The following RRP1 variants were observed in gnomAD, a reference collection of about 807,000 sequenced individuals.
RRP1 encodes the protein ribosomal RNA processing protein 1 homolog A.
A neutral mutation model predicts 54.6 loss-of-function variants in RRP1; 37 were observed. The observed-to-expected ratio is 0.68, with a 90% CI of 0.52 to 0.89. The LOEUF (loss-of-function observed/expected upper bound fraction) is 0.89, where lower values mean the gene tolerates loss of function less well. Among genes scored for constraint, RRP1 ranks in the 40% least tolerant of loss-of-function variants. The pLI is 0.00. For missense variants in RRP1, 639 were observed against 612.5 expected, an observed-to-expected ratio of 1.04 and a Z score of -0.46; for synonymous variants, 262 against 244.3, an observed-to-expected ratio of 1.07 and a Z score of -0.67.
intron 5 of RRP1, among the ~76,000 whole-genome samples, chr21:43,796,382 T>C (rs1381435517): frequency 6.6e-6 from 1 of 152,194 alleles, no homozygotes; most frequent in African/African-American, 2.4e-5. Context: ...TGATTTTACT[T>C]GTGTTAACTT....
intron 12 of RRP1, among the ~76,000 whole-genome samples, chr21:43,803,093 C>T (rs1402503682): frequency 2.0e-5 from 3 of 152,250 alleles, no homozygotes; most frequent in East Asian, 1.9e-4. Flanking sequence ...CCCAGAGCTC[C>T]GTGCCATTGA....
At position 43,799,553 on chromosome 21, in the gene RRP1, G is replaced by T. The variant is rs775557866; in HGVS notation, c.812-17G>T. The stretch of plus-strand genomic sequence containing the variant: ...CGTTGGGCACAGGTAGGGTTCACGG[G>T]GTCCCTTTTGTTCCAGGCTCCATCT... On this transcript the variant is annotated splice_polypyrimidine_tract_variant and intron_variant, in intron 8 of 12. Transcript: ENST00000497547. 5 of 1,604,748 alleles carry T rather than the reference G, an allele frequency of 3.1e-6. No homozygotes were observed. Among genetic ancestry groups the T allele is most frequent in the Non-Finnish European group, 3.4e-6 (4 of 1,177,734 alleles).
chr21:43,795,405 T>G (rs1161351858), intron 5 of RRP1, among the ~76,000 whole-genome samples, 155 bp downstream of exon 5: 1 of 152,100 alleles, frequency 6.6e-6, no homozygotes, highest in Non-Finnish European at 1.5e-5. Flanking sequence ...AAAGTAAAAA[T>G]CAGTTTGTGT....
chr21:43,798,959 C>T (rs2123417540), intron 8 of RRP1, among the ~76,000 whole-genome samples: 1 of 140,752 alleles, frequency 7.1e-6, no homozygotes, highest in African/African-American at 2.6e-5. Context: ...TCTCCCTGGT[C>T]TCTGCCTTGC....
intron 12 of RRP1, 69 bp downstream of exon 12, chr21:43,802,456 G>T: frequency 1.6e-6 from 2 of 1,214,118 alleles, no homozygotes; most frequent in South Asian, 1.2e-5. Flanking sequence ...CTGGATGGGG[G>T]TCACCTGCAG....
chr21:43,790,889 C>G (rs2084949826), intron 1 of RRP1: 1 of 431,874 alleles, frequency 2.3e-6, no homozygotes, highest in South Asian at 1.6e-5. Flanking sequence ...CCGCACCTGG[C>G]CTCAGTAATT....
intron 4 of RRP1, among the ~76,000 whole-genome samples, chr21:43,794,560 T>A (rs970951716): frequency 1.3e-5 from 2 of 152,172 alleles, no homozygotes; most frequent in African/African-American, 4.8e-5. Flanking sequence ...GCGTGTCCTC[T>A]GCTGCTACTG....
chr21:43,791,950 T>G (rs922652629), intron 2 of RRP1, among the ~76,000 whole-genome samples: 4 of 152,224 alleles, frequency 2.6e-5, no homozygotes, highest in African/African-American at 7.2e-5. Flanking sequence ...AGCCGTGCAC[T>G]GCAGCAGCAC....
intron 1 of RRP1, among the ~76,000 whole-genome samples, chr21:43,790,210 A>T (rs906279635): frequency 6.6e-6 from 1 of 152,210 alleles, no homozygotes; most frequent in African/African-American, 2.4e-5. Flanking sequence ...TCATGGTACC[A>T]GGTGGTTCTC....
intron 10 of RRP1, 112 bp downstream of exon 10, chr21:43,800,726 T>A: frequency 2.7e-6 from 4 of 1,499,914 alleles, no homozygotes; most frequent in Non-Finnish European, 3.7e-6. Flanking sequence ...CCCGGGGTGA[T>A]CCCCGCTAGG....
intron 9 of RRP1, 90 bp from the exon 10 acceptor site, chr21:43,800,427 A>G: frequency 8.3e-7 from 1 of 1,204,670 alleles, no homozygotes; most frequent in Non-Finnish European, 1.2e-6. Context: ...AAGTGGGACC[A>G]AGTGCTATCT....
intron 11 of RRP1, among the ~76,000 whole-genome samples, chr21:43,801,205 C>T (rs777299630): frequency 2.2e-4 from 33 of 152,050 alleles, no homozygotes; most frequent in Middle Eastern, 3.2e-3. Context: ...CTTGGCAGCG[C>T]GTGGCGGATG....
At chr21:43,801,332 G>A (rs2085087988) in intron 11 of RRP1, among the ~76,000 whole-genome samples, 1 of 152,226 alleles carries the variant, frequency 6.6e-6, no homozygotes, top group South Asian at 2.1e-4. Context: ...TCAGTTGGAA[G>A]GATTTTATAG....
intron 1 of RRP1, among the ~76,000 whole-genome samples, chr21:43,790,232 C>G (rs530015665): frequency 3.9e-5 from 6 of 152,310 alleles, no homozygotes; most frequent in African/African-American, 1.4e-4. Context: ...GAGCGTGGTC[C>G]CCCATCAGCA....
At chr21:43,799,524 C>A in intron 8 of RRP1, 46 bp from the exon 9 acceptor site, 1 of 1,463,156 alleles carries the variant, frequency 6.8e-7, no homozygotes, top group Non-Finnish European at 9.1e-7. Flanking sequence ...TTGGGGCCAG[C>A]ACACGTTGGG....
chr21:43,793,464 A>G lies in RRP1; in HGVS notation c.360+60A>G, dbSNP rs557606500. 5.5e-6 allele frequency: 8 copies of G among 1,457,186 alleles called. No individual in the cohort carries two copies. In the East Asian group the frequency reaches 1.6e-4, roughly 29 times the overall value. 90.3% of individuals were successfully genotyped at this position (1,457,186 alleles called of 1,614,324 possible). A position where few individuals can be genotyped will look rare whatever the true frequency, so the allele number is the denominator to read the frequency against. On this transcript the variant is annotated intron_variant, in intron 4 of 12. Transcript: ENST00000497547. ...CAGCGCGGGTCTCAGTGCCTGGCCA[A>G]GCGAGACAGGCGGCACCTGGGCAGG...
chr21:43,795,314 A>G, intron 5 of RRP1, 64 bp downstream of exon 5: 2 of 1,503,444 alleles, frequency 1.3e-6, no homozygotes, highest in South Asian at 2.3e-5. Context: ...CGTGTTTGTC[A>G]TTTGATTCTT....
chr21:43,801,981 A>AAC (rs140754670), intron 11 of RRP1, among the ~76,000 whole-genome samples: 7,881 of 152,236 alleles, frequency 0.052, 272 homozygotes, highest in South Asian at 0.15. Flanking sequence ...GTTCCAAAAC[A>AAC]ACCTGACATT....
intron 10 of RRP1, 69 bp from the exon 11 acceptor site, chr21:43,800,793 C>T: frequency 6.2e-7 from 1 of 1,602,894 alleles, no homozygotes; most frequent in Non-Finnish European, 8.5e-7. Flanking sequence ...TGCAGCCGCT[C>T]TAGCTGGAGC....
Sources: gnomAD v4.1 joint callset for allele counts (sites outside exome capture counted in the v4.1 genomes callset) on GRCh38, gnomAD v4.1.1 for gene constraint, MANE v1.5 for transcripts, NCBI Gene and HGNC (gene_info 2026-07-23, HGNC 2026-07-21) for gene names.